SEMA3C: variants seen among roughly 807,000 people sequenced by gnomAD.
The protein encoded by SEMA3C is semaphorin 3C, also known as semaphorin-3C.
A neutral mutation model predicts 89.4 loss-of-function variants in SEMA3C; 47 were observed. That is an observed-to-expected ratio of 0.53 (90% CI 0.42 to 0.67). The LOEUF (loss-of-function observed/expected upper bound fraction) is 0.67. SEMA3C is among the 30% of genes least tolerant of loss of function. The probability of loss-of-function intolerance (pLI) is 0.00; values close to 1 mark genes in which losing one functional copy is unlikely to be tolerated. For synonymous variants in SEMA3C, 310 were observed against 320.2 expected (o/e 0.97, Z 0.34); for missense variants, 839 against 929.1 (o/e 0.90, Z 1.26).
chr7:80,904,327 C>T (rs1015407842), intron 2 of SEMA3C, among the ~76,000 whole-genome samples: 3 of 152,272 alleles, frequency 2.0e-5, no homozygotes, highest in South Asian at 4.1e-4. Flanking sequence ...AGGCATGAGC[C>T]GTCACACCTG....
intron 6 of SEMA3C, among the ~76,000 whole-genome samples, chr7:80,806,318 A>C (rs544560147): frequency 6.6e-6 from 1 of 152,236 alleles, no homozygotes; most frequent in East Asian, 1.9e-4. Context: ...ATCATCCTAA[A>C]TGGATTGAAT....
intron 14 of SEMA3C, among the ~76,000 whole-genome samples, chr7:80,759,905 C>A (rs921578938): frequency 4.6e-5 from 7 of 152,110 alleles, no homozygotes; most frequent in African/African-American, 1.7e-4. Context: ...AATTTATCAG[C>A]TTCATTAAAA....
chr7:80,746,747 G>GTGTGTGTGT (rs1554357889), intron 17 of SEMA3C, among the ~76,000 whole-genome samples: 4 of 150,620 alleles, frequency 2.7e-5, no homozygotes, highest in Non-Finnish European at 3.0e-5. Context: ...GTGTGTGTGT[G>GTGTGTGTGT]GAGGGGAGGA....
chr7:80,786,001 T>C (rs1388614872), intron 12 of SEMA3C, among the ~76,000 whole-genome samples: 2 of 152,104 alleles, frequency 1.3e-5, no homozygotes, highest in African/African-American at 4.8e-5. Context: ...GTTATGACAA[T>C]AAGGTCCAGT....
chr7:80,852,976 A>C (rs73374806), intron 2 of SEMA3C, among the ~76,000 whole-genome samples: 4,556 of 152,114 alleles, frequency 0.03, 202 homozygotes, highest in African/African-American at 0.099. Flanking sequence ...CCGTGCCTGG[A>C]CTGAATAGAC....
chr7:80,878,761 C>G (rs146296052), intron 2 of SEMA3C, among the ~76,000 whole-genome samples: 1 of 151,948 alleles, frequency 6.6e-6, no homozygotes, highest in African/African-American at 2.4e-5. Flanking sequence ...TGGAAAAGAT[C>G]ACAGCATAAA....
chr7:80,809,970 CA>C (rs551576575), intron 6 of SEMA3C, among the ~76,000 whole-genome samples: 2 of 148,048 alleles, frequency 1.4e-5, no homozygotes, highest in East Asian at 2.0e-4. Context: ...GAGGGAGGGG[CA>C]AAAAAAAAGA....
At chr7:80,809,383 A>C (rs1392102035) in intron 6 of SEMA3C, among the ~76,000 whole-genome samples, 1 of 152,174 alleles carries the variant, frequency 6.6e-6, no homozygotes, top group Non-Finnish European at 1.5e-5. Context: ...TTACTAAAAC[A>C]CAGGAGTGCA....
At chr7:80,897,915 A>C (rs1395754020) in intron 2 of SEMA3C, among the ~76,000 whole-genome samples, 1 of 152,184 alleles carries the variant, frequency 6.6e-6, no homozygotes, top group Non-Finnish European at 1.5e-5. Flanking sequence ...TTGTTTATAA[A>C]CTTAAAAATA....
chr7:80,864,223 T>C (rs1790872711), intron 2 of SEMA3C, among the ~76,000 whole-genome samples: 1 of 151,512 alleles, frequency 6.6e-6, no homozygotes, highest in Non-Finnish European at 1.5e-5. Flanking sequence ...AATGAGACAA[T>C]GGACTTTGGG....
At chr7:80,886,780 A>C (rs2116128072) in intron 2 of SEMA3C, among the ~76,000 whole-genome samples, 1 of 152,288 alleles carries the variant, frequency 6.6e-6, no homozygotes, top group Middle Eastern at 3.4e-3. Context: ...AAATTATTAA[A>C]CCAACCTTGT....
At chr7:80,794,383 G>A (rs1583883806) in intron 11 of SEMA3C, among the ~76,000 whole-genome samples, 2 of 152,180 alleles carry the variant, frequency 1.3e-5, no homozygotes, top group East Asian at 3.9e-4. Context: ...GTGAGACGAT[G>A]TAATTAATTT....
At chr7:80,772,053 T>C (rs1308102163) in intron 12 of SEMA3C, among the ~76,000 whole-genome samples, 1 of 152,194 alleles carries the variant, frequency 6.6e-6, no homozygotes, top group Non-Finnish European at 1.5e-5. Flanking sequence ...AACTTGCTTA[T>C]TAAAATGAGG....
At chr7:80,779,869 C>T (rs905924465) in intron 12 of SEMA3C, among the ~76,000 whole-genome samples, 4 of 152,220 alleles carry the variant, frequency 2.6e-5, no homozygotes, top group Non-Finnish European at 4.4e-5. Flanking sequence ...CAAACAACCA[C>T]ATTTTAAAGA....
At chr7:80,816,499 T>C (rs972371417) in intron 5 of SEMA3C, among the ~76,000 whole-genome samples, 7 of 152,200 alleles carry the variant, frequency 4.6e-5, no homozygotes, top group African/African-American at 1.4e-4. Flanking sequence ...CATTTTATGC[T>C]AGGAGATCTT....
At chr7:80,856,131 AT>A (rs939810123) in intron 2 of SEMA3C, among the ~76,000 whole-genome samples, 1 of 152,052 alleles carries the variant, frequency 6.6e-6, no homozygotes, top group East Asian at 1.9e-4. Context: ...AATTTTTATT[AT>A]TTTTTTGAAG....
chr7:80,893,833 T>C (rs542829264), intron 2 of SEMA3C, among the ~76,000 whole-genome samples: 1 of 152,130 alleles, frequency 6.6e-6, no homozygotes, highest in Non-Finnish European at 1.5e-5. Flanking sequence ...AACCAACCTA[T>C]AAAAACTTCA....
intron 2 of SEMA3C, among the ~76,000 whole-genome samples, chr7:80,902,984 A>T (rs1791919980): frequency 6.6e-6 from 1 of 152,140 alleles, no homozygotes. Context: ...GCACCTTATG[A>T]TCCTGGAACT....
intron 2 of SEMA3C, among the ~76,000 whole-genome samples, chr7:80,906,718 G>A (rs935287782): frequency 1.3e-5 from 2 of 152,088 alleles, no homozygotes; most frequent in Non-Finnish European, 2.9e-5. Flanking sequence ...ATATACCAGT[G>A]TAGATCATTA....
Sources: gnomAD v4.1 joint callset for allele counts (sites outside exome capture counted in the v4.1 genomes callset) on GRCh38, gnomAD v4.1.1 for gene constraint, MANE v1.5 for transcripts, NCBI Gene and HGNC (gene_info 2026-07-23, HGNC 2026-07-21) for gene names.